KIF11: variants seen among roughly 807,000 people sequenced by gnomAD.
The protein encoded by KIF11 is kinesin-like protein KIF11.
A neutral mutation model predicts 121.0 loss-of-function variants in KIF11; 9 were observed. The observed-to-expected ratio is 0.07, with a 90% CI of 0.04 to 0.13. KIF11 has a LOEUF of 0.13. Among genes scored for constraint, KIF11 ranks in the 10% least tolerant of loss-of-function variants. KIF11 has a pLI of 1.00. For missense variants in KIF11, 846 were observed against 1,217.5 expected (o/e 0.69, Z 4.54); for synonymous variants, 408 against 421.0 (o/e 0.97, Z 0.38).
At chr10:92,609,600 T>C in intron 6 of KIF11, 91 bp downstream of exon 6, 7 of 1,254,654 alleles carry the variant, frequency 5.6e-6, no homozygotes, top group Non-Finnish European at 6.7e-6. Flanking sequence ...GGTCAGGGTA[T>C]GTGGGTCACG....
rs545224407 is a variant in KIF11, at chr10:92,613,287, G to A, written c.790-90G>A. On this transcript the variant is annotated intron_variant, in intron 7 of 21. Transcript: ENST00000260731. The surrounding 1 kb of genome is among the most constrained non-coding windows in gnomAD (Gnocchi z 4.2). ...TTACAGAAAAAATTATTTTGCTGGCGATTTAATACATTATGTATCCTGTGA... is the reference window on the plus strand; with the variant it reads ...TTACAGAAAAAATTATTTTGCTGGCAATTTAATACATTATGTATCCTGTGA... 5.5e-5 allele frequency: 60 copies of A among 1,097,566 alleles called. No individual in the cohort carries two copies. In the East Asian group the frequency reaches 1.1e-3, roughly 21 times the overall value. The allele number at this position is 1,097,566 out of a possible 1,614,324, so 68.0% of individuals were successfully genotyped here.
chr10:92,614,017 T>G (rs1369688335), intron 8 of KIF11, among the ~76,000 whole-genome samples: 1 of 55,150 alleles, frequency 1.8e-5, no homozygotes, highest in African/African-American at 6.2e-5. Context: ...GAAAAGTATG[T>G]GTATACACAC....
intron 4 of KIF11, among the ~76,000 whole-genome samples, chr10:92,607,490 A>G (rs1035485107): frequency 6.6e-6 from 1 of 152,188 alleles, no homozygotes; most frequent in Non-Finnish European, 1.5e-5. Context: ...TTATGACAGA[A>G]TGGTTGGAGC....
intron 1 of KIF11, among the ~76,000 whole-genome samples, chr10:92,594,702 C>T (rs954810111): frequency 2.0e-5 from 3 of 152,226 alleles, no homozygotes; most frequent in Admixed American, 2.0e-4. Flanking sequence ...CTGGAGCCCC[C>T]CTTTTCCCTC....
chr10:92,616,790 G>A lies in KIF11; in HGVS notation c.1086G>A (p.Lys362=), dbSNP rs761097157. Residue 362 remains lysine (K), a synonymous_variant, in exon 9 of 22, where the codon AAG becomes AAA. Coordinates refer to ENST00000260731, the MANE Select transcript of KIF11 (RefSeq NM_004523.4). ...YAHRAKNILN[K]PEVNQKLTKK... ...ATAGAGCAAAGAACATATTGAATAA[G>A]CCTGAAGTGAATCAGAAACTCACCA... is the stretch of plus-strand genomic sequence containing the variant. 1.2e-6 allele frequency: 2 copies of A among 1,606,736 alleles called. No individual in the cohort carries two copies. Among genetic ancestry groups the A allele is most frequent in the South Asian group, 1.1e-5 (1 of 89,780 alleles).
chr10:92,646,044 C>T (rs1476877482), intron 18 of KIF11, among the ~76,000 whole-genome samples: 1 of 150,830 alleles, frequency 6.6e-6, no homozygotes, highest in Non-Finnish European at 1.5e-5. Context: ...CTCCGCCTCC[C>T]AAGTTCAAGC....
At chr10:92,620,208 GT>G (rs1409105754) in intron 9 of KIF11, among the ~76,000 whole-genome samples, 2 of 151,454 alleles carry the variant, frequency 1.3e-5, no homozygotes, top group East Asian at 3.9e-4. Flanking sequence ...AGCCTCCTGA[GT>G]AGCTGGGACT....
At chr10:92,595,721 A>C (rs769387936) in intron 1 of KIF11, among the ~76,000 whole-genome samples, 1 of 152,160 alleles carries the variant, frequency 6.6e-6, no homozygotes, top group Non-Finnish European at 1.5e-5. Flanking sequence ...CACATTAAAC[A>C]ATAACTCCCC....
intron 18 of KIF11, 77 bp from the exon 19 acceptor site, chr10:92,648,133 GGT>G: frequency 3.1e-6 from 3 of 975,254 alleles, no homozygotes; most frequent in Non-Finnish European, 4.4e-6. Flanking sequence ...TTATGGAAAA[GGT>G]AAGGGAAAAT....
In KIF11 at chr10:92,637,200, ATCT is replaced by A. The variant is rs1250924332; in HGVS notation, c.1896_1898del (p.Leu633del). ...TGAAACCAGAATGTACTCAAGACTG[ATCT>A]TCTAAGTTCACTGGAAATGATTTTA... is the stretch of plus-strand genomic sequence containing the variant. On this transcript the variant is annotated inframe_deletion, in exon 15 of 22. Transcript: ENST00000260731. 5 of 1,586,196 alleles carry A rather than the reference ATCT, an allele frequency of 3.2e-6. No individual in the cohort carries two copies. Among genetic ancestry groups the A allele is most frequent in the Admixed American group, 4.0e-5 (2 of 49,406 alleles).
In KIF11 at chr10:92,608,109, T is replaced by TA. The variant is rs887302693; in HGVS notation, c.387+883dup. 3.8e-3 allele frequency among the ~76,000 whole-genome samples: 550 copies of TA among 146,374 alleles called. 6 individuals carry two copies. The highest frequency in any genetic ancestry group is 0.013 in the African/African-American group (513 of 39,730). On this transcript the variant is annotated intron_variant, in intron 4 of 21. Coordinates refer to ENST00000260731, the MANE Select transcript of KIF11 (RefSeq NM_004523.4). ...CAAAAAACCAAAAAACTAGTTAATT[T>TA]AAAAAAAAAAAGAATTTTTTTTAAT... is the stretch of plus-strand genomic sequence containing the variant.
At chr10:92,609,614 C>G in intron 6 of KIF11, 105 bp downstream of exon 6, 1 of 1,061,230 alleles carries the variant, frequency 9.4e-7, no homozygotes, top group Non-Finnish European at 1.4e-6. Flanking sequence ...GGTCACGTAC[C>G]TAGAGTTTGT....
At chr10:92,620,712 G>A (rs1844607552) in intron 9 of KIF11, among the ~76,000 whole-genome samples, 1 of 152,216 alleles carries the variant, frequency 6.6e-6, no homozygotes. Flanking sequence ...GGACGAGCAA[G>A]TCACATCTTA....
chr10:92,640,404 T>G (rs1844852140), intron 17 of KIF11, among the ~76,000 whole-genome samples: 1 of 152,220 alleles, frequency 6.6e-6, no homozygotes. Context: ...AAAAGTTTGC[T>G]GATTCCTGTA....
intron 17 of KIF11, 76 bp from the exon 18 acceptor site, chr10:92,645,287 T>C: frequency 9.4e-7 from 1 of 1,067,098 alleles, no homozygotes. Flanking sequence ...ACTTAAGAGC[T>C]GAGTGATCTT....
chr10:92,605,200 G>A (rs1211135777), intron 1 of KIF11, among the ~76,000 whole-genome samples: 3 of 152,116 alleles, frequency 2.0e-5, no homozygotes, highest in Non-Finnish European at 4.4e-5. Flanking sequence ...GTAGAATGAG[G>A]ACTCTTGATC....
At chr10:92,608,736 C>T (rs1031577951) in intron 4 of KIF11, among the ~76,000 whole-genome samples, 2 of 152,064 alleles carry the variant, frequency 1.3e-5, no homozygotes, top group Non-Finnish European at 2.9e-5. Flanking sequence ...CGTGCCTGGC[C>T]GAACTTGGCT....
intron 9 of KIF11, among the ~76,000 whole-genome samples, chr10:92,618,980 A>G (rs1027624510): frequency 1.3e-5 from 2 of 152,106 alleles, no homozygotes; most frequent in Admixed American, 1.3e-4. Context: ...GATTGGAATC[A>G]TACATTATGT....
intron 6 of KIF11, among the ~76,000 whole-genome samples, chr10:92,611,129 T>G (rs1653660928): frequency 6.6e-6 from 1 of 152,094 alleles, no homozygotes; most frequent in South Asian, 2.1e-4. Context: ...AGAGCTAACT[T>G]CAATGCTTAT....
Sources: allele counts gnomAD v4.1 joint callset (sites outside exome capture counted in the v4.1 genomes callset), GRCh38; gene constraint gnomAD v4.1.1; non-coding constraint Gnocchi (gnomAD v3.1); transcripts MANE v1.5; gene names NCBI Gene and HGNC (gene_info 2026-07-23, HGNC 2026-07-21).